Variants in CPNE3 observed in about 807,000 individuals in gnomAD.
CPNE3 encodes copine-3.
CPNE3 carries 68 observed loss-of-function variants against 63.9 expected under a neutral mutation model. The ratio of observed to expected loss-of-function variants is 1.06; its 90% CI spans 0.87 to 1.30. The LOEUF is 1.30. Ranked by LOEUF, CPNE3 falls within the 50% of genes most tolerant of loss-of-function variation. The pLI, the probability that CPNE3 is intolerant of heterozygous loss-of-function variation, is 0.00. For missense variants in CPNE3, 665 were observed against 578.1 expected (o/e 1.15, Z -1.54); for synonymous variants, 219 against 197.5 (o/e 1.11, Z -0.91).
chr8:86,519,992 G>T (rs928906044), intron 2 of CPNE3, among the ~76,000 whole-genome samples: 23 of 152,110 alleles, frequency 1.5e-4, no homozygotes, highest in African/African-American at 4.8e-5. Context: ...GATTACAGGC[G>T]TGAGCCACCG....
chr8:86,529,095 T>C lies in CPNE3; in HGVS notation c.283T>C (p.Leu95=), dbSNP rs918549529. The part of the protein sequence containing the change: ...KTIELSDDDF[L]GECECTLGQI... ...TATTGAGCTGAGTGATGATGACTTC[T>C]TAGGGGAATGTGAATGTACCCTTGG... Residue 95 remains leucine, a synonymous_variant, in exon 4 of 17, where the codon TTA becomes CTA. Transcript: ENST00000517490. 9 of 1,613,856 alleles carry C rather than the reference T, an allele frequency of 5.6e-6. No homozygotes were observed. Among genetic ancestry groups the C allele is most frequent in the Non-Finnish European group, 7.6e-6 (9 of 1,179,930 alleles).
At chr8:86,538,845 C>T (rs1349457687) in intron 7 of CPNE3, among the ~76,000 whole-genome samples, 2 of 152,136 alleles carry the variant, frequency 1.3e-5, no homozygotes, top group Non-Finnish European at 2.9e-5. Flanking sequence ...AGCTGGTGAC[C>T]GCCAGATCTC....
intron 2 of CPNE3, among the ~76,000 whole-genome samples, chr8:86,519,306 G>A (rs1820381442): frequency 6.6e-6 from 1 of 152,156 alleles, no homozygotes; most frequent in African/African-American, 2.4e-5. Context: ...TTAGTTGATT[G>A]CTTACTTTGT....
At chr8:86,519,611 GGTTT>G (rs1378786492) in intron 2 of CPNE3, among the ~76,000 whole-genome samples, 2 of 152,088 alleles carry the variant, frequency 1.3e-5, no homozygotes, top group Non-Finnish European at 2.9e-5. Flanking sequence ...TGGGCCCTGT[GGTTT>G]GTTTGTTTAT....
In CPNE3 at chr8:86,531,010, T is replaced by C. The variant is rs1820670387; in HGVS notation, c.313-145T>C. On this transcript the variant is annotated intron_variant, in intron 4 of 16. Transcript: ENST00000517490. ...CCTGGCTCTAAATATGTAGATGATC[T>C]AAATCTTTAAGAAACCAACTGAATG... 3 of 607,130 alleles carry C rather than the reference T, an allele frequency of 4.9e-6. No individual in the cohort carries two copies. The Admixed American group carries it at 8.4e-5, about 17-fold the overall frequency. 37.6% of individuals were successfully genotyped at this position (607,130 alleles called of 1,614,324 possible).
intron 4 of CPNE3, 86 bp from the exon 5 acceptor site, chr8:86,531,069 A>G (rs1349244960): frequency 2.7e-6 from 2 of 742,326 alleles, no homozygotes; most frequent in Non-Finnish European, 4.9e-6. Context: ...TGAACCTTAT[A>G]CTCAGTCTTT....
chr8:86,551,988 C>A (rs1437787266), intron 14 of CPNE3, among the ~76,000 whole-genome samples: 5 of 152,178 alleles, frequency 3.3e-5, no homozygotes, highest in Non-Finnish European at 7.3e-5. Flanking sequence ...TTTCCTTATA[C>A]CTCAAGTATC....
intron 9 of CPNE3, among the ~76,000 whole-genome samples, chr8:86,546,123 T>C (rs1821043625): frequency 4.6e-5 from 7 of 152,138 alleles, no homozygotes. Flanking sequence ...TGATGCATAT[T>C]TTACCATAGA....
intron 2 of CPNE3, among the ~76,000 whole-genome samples, chr8:86,516,305 G>A (rs1820309256): frequency 6.6e-6 from 1 of 152,202 alleles, no homozygotes; most frequent in Admixed American, 6.5e-5. Context: ...AACAGAAGGA[G>A]TGTTTGCCAT....
rs562348920 is a variant in CPNE3, at chr8:86,531,131, T to A, written c.313-24T>A. 3 of 948,026 alleles carry A rather than the reference T, an allele frequency of 3.2e-6. No homozygotes were observed. In the Admixed American group the frequency reaches 5.1e-5, roughly 16 times the overall value. 58.7% of individuals were successfully genotyped at this position (948,026 alleles called of 1,614,324 possible). A position where few individuals can be genotyped will look rare whatever the true frequency, so the allele number is the denominator to read the frequency against. ...TTCTTAGGTTGAAGGGAAATGACTC[T>A]GTATCACTTTCTAATTCTAACAGAT... On this transcript the variant is annotated intron_variant, in intron 4 of 16. Transcript: ENST00000517490.
Position 86,548,295 on chromosome 8 carries a change from T to A in CPNE3, c.880-6T>A. 1 of 1,613,696 alleles carries A rather than the reference T, an allele frequency of 6.2e-7. No individual in the cohort carries two copies. Among genetic ancestry groups the A allele is most frequent in the Non-Finnish European group, 8.5e-7 (1 of 1,179,914 alleles). ...CTTACTAAGGGCTGCAATTGTTATT[T>A]GGCAGGTGGGAGTGGACTTCACTGG... On this transcript the variant is annotated splice_polypyrimidine_tract_variant and splice_region_variant and intron_variant, in intron 11 of 16. Coordinates refer to ENST00000517490, the MANE Select transcript of CPNE3 (RefSeq NM_003909.5).
intron 2 of CPNE3, among the ~76,000 whole-genome samples, chr8:86,527,623 T>C (rs922322559): frequency 1.3e-5 from 2 of 152,054 alleles, no homozygotes; most frequent in African/African-American, 4.8e-5. Context: ...CCAGTTAAAA[T>C]CTCTTTAAGT....
At chr8:86,521,455 T>G (rs1442922915) in intron 2 of CPNE3, 1 of 152,204 alleles carries the variant, frequency 6.6e-6, no homozygotes, top group Non-Finnish European at 1.5e-5. Context: ...AATATTACTT[T>G]TGATATTAAC....
intron 2 of CPNE3, chr8:86,521,457 G>C (rs1413008548): frequency 6.6e-6 from 1 of 152,068 alleles, no homozygotes; most frequent in East Asian, 1.9e-4. Context: ...TATTACTTTT[G>C]ATATTAACAA....
At position 86,526,789 on chromosome 8, in the gene CPNE3, GGT is replaced by G. The variant is rs559817626; in HGVS notation, c.-10-1743_-10-1742del. ...GGCCTCCCAAAGTGCTGGGAGTACA[GGT>G]GTGAGCTGCCGTGCCCGGCCAGCTT... On this transcript the variant is annotated intron_variant, in intron 2 of 16. Coordinates refer to ENST00000517490, the MANE Select transcript of CPNE3 (RefSeq NM_003909.5). Among the ~76,000 whole-genome samples the G allele has an allele frequency of 1.8e-4, 27 of 152,314 alleles. No homozygotes were observed. In the East Asian group the frequency reaches 5.2e-3, roughly 29 times the overall value.
Position 86,529,137 on chromosome 8 carries a change from A to G in CPNE3, c.312+13A>G. On this transcript the variant is annotated intron_variant, in intron 4 of 16. Transcript: ENST00000517490. Reference sequence around the variant, plus strand: ...TACCCTTGGACAAGTAAGTATAAATAGCCACTGTACTCTATTTTGTCTAAA... The same window carrying G: ...TACCCTTGGACAAGTAAGTATAAATGGCCACTGTACTCTATTTTGTCTAAA... The G allele has an allele frequency of 6.2e-7, 1 of 1,605,092 alleles. No individual in the cohort carries two copies. Among genetic ancestry groups the G allele is most frequent in the Non-Finnish European group, 8.5e-7 (1 of 1,173,396 alleles).
At chr8:86,537,927 A>G (rs1211072480) in intron 7 of CPNE3, among the ~76,000 whole-genome samples, 2 of 151,756 alleles carry the variant, frequency 1.3e-5, no homozygotes, top group Non-Finnish European at 2.9e-5. Flanking sequence ...ACTCCCACAT[A>G]CTTGTGCTCT....
intron 7 of CPNE3, among the ~76,000 whole-genome samples, chr8:86,540,039 A>C (rs1417632091): frequency 6.6e-6 from 1 of 152,212 alleles, no homozygotes; most frequent in Non-Finnish European, 1.5e-5. Context: ...TTTCCTCAGA[A>C]TGTATCACAA....
chr8:86,525,226 A>G (rs1456669760), intron 2 of CPNE3, among the ~76,000 whole-genome samples: 1 of 152,128 alleles, frequency 6.6e-6, no homozygotes, highest in Non-Finnish European at 1.5e-5. Context: ...GGCTCAAGCA[A>G]TCCTACTGCC....
Sources: allele counts gnomAD v4.1 joint callset (sites outside exome capture counted in the v4.1 genomes callset), GRCh38; gene constraint gnomAD v4.1.1; transcripts MANE v1.5; gene names NCBI Gene and HGNC (gene_info 2026-07-23, HGNC 2026-07-21).